Variants in DLEU7 observed in about 807,000 individuals in gnomAD.
DLEU7 encodes deleted in lymphocytic leukemia 7, also known as leukemia-associated protein 7.
A neutral mutation model predicts 16.0 loss-of-function variants in DLEU7; 17 were observed. The observed-to-expected ratio is 1.06, with a 90% confidence interval of 0.73 to 1.59. The LOEUF is 1.59. DLEU7 is among the 40% of genes most tolerant of loss of function. DLEU7 has a pLI of 0.00. For synonymous variants in DLEU7, 113 were observed against 139.8 expected (o/e 0.81, Z 1.35); for missense variants, 308 against 314.9 (o/e 0.98, Z 0.17).
At chr13:50,838,639 G>A (rs533151828) in intron 1 of DLEU7, among the ~76,000 whole-genome samples, 24 of 152,310 alleles carry the variant, frequency 1.6e-4, no homozygotes, top group African/African-American at 5.8e-4. Flanking sequence ...TATATCAGGT[G>A]GCCATGATGG....
chr13:50,806,755 A>T (rs1338654056), intron 1 of DLEU7, among the ~76,000 whole-genome samples: 1 of 152,044 alleles, frequency 6.6e-6, no homozygotes, highest in Non-Finnish European at 1.5e-5. Context: ...TTTACCTAGA[A>T]ATGTATATTT....
intron 1 of DLEU7, among the ~76,000 whole-genome samples, chr13:50,747,220 G>A (rs968350364): frequency 6.6e-5 from 10 of 152,148 alleles, no homozygotes; most frequent in South Asian, 4.1e-4. Flanking sequence ...TGCAGGTTGG[G>A]AAACTATATT....
upstream of DLEU7, chr13:50,843,697 A>C (rs1357044813): frequency 2.0e-6 from 3 of 1,481,960 alleles, no homozygotes; most frequent in East Asian, 8.5e-5. This position sits in a 1 kb window ranked among gnomAD's most constrained non-coding sequence, Gnocchi z 5.7. Context: ...AGCAGCAGCG[A>C]GGGAGGCGGG....
intron 1 of DLEU7, among the ~76,000 whole-genome samples, chr13:50,718,803 C>T (rs1873510587): frequency 6.6e-6 from 1 of 152,182 alleles, no homozygotes; most frequent in Admixed American, 6.5e-5. Context: ...GGTTGGTATA[C>T]AGTTTTCCAT....
chr13:50,826,034 G>A (rs1015122403), intron 1 of DLEU7, among the ~76,000 whole-genome samples: 1 of 110,766 alleles, frequency 9.0e-6, no homozygotes, highest in African/African-American at 3.8e-5. Flanking sequence ...GACAGGCCCC[G>A]ATGTGTGATG....
chr13:50,843,552 T>TC lies in DLEU7; in HGVS notation c.94dup (p.Asp32GlyfsTer64), dbSNP rs867917062. The TC allele has an allele frequency of 2.7e-6, 4 of 1,461,026 alleles. No individual in the cohort carries two copies. Among genetic ancestry groups the TC allele is most frequent in the Admixed American group, 5.8e-5 (2 of 34,652 alleles). The allele number at this position is 1,461,026 out of a possible 1,614,324, so 90.5% of individuals were successfully genotyped here. A position where few individuals can be genotyped will look rare whatever the true frequency, so the allele number is the denominator to read the frequency against. ...CGGGTTCCCGGGGGCGACTGGACCGTCCCCCCAGCCCCACTCCTGCTGCAG... is the reference window on the plus strand; with the variant it reads ...CGGGTTCCCGGGGGCGACTGGACCGTCCCCCCCAGCCCCACTCCTGCTGCAG... On this transcript the variant is annotated frameshift_variant, in exon 1 of 2. Transcript: ENST00000504404. LOFTEE classifies it high-confidence loss of function. This position sits in a 1 kb window ranked among gnomAD's most constrained non-coding sequence, Gnocchi z 5.7.
intron 1 of DLEU7, among the ~76,000 whole-genome samples, chr13:50,720,346 C>G (rs1240864678): frequency 5.3e-5 from 8 of 152,194 alleles, no homozygotes. Flanking sequence ...TTGGTAAGAT[C>G]TTTAAAAATG....
At position 50,825,966 on chromosome 13, in the gene DLEU7, C is replaced by T. The variant is rs547010967; in HGVS notation, c.460-2446G>A. Among the ~76,000 whole-genome samples the T allele has an allele frequency of 3.3e-5, 5 of 151,854 alleles. No individual in the cohort carries two copies. In the South Asian group the frequency reaches 6.3e-4, roughly 19 times the overall value. ...TGTTGGTGTGCTGCACCCATTAACT[C>T]GTCATTTACATTAGGTATATCTCCT... On this transcript the variant is annotated intron_variant, in intron 1 of 1. Transcript: ENST00000504404.
At position 50,727,627 on chromosome 13, in the gene DLEU7, G is replaced by A. The variant is rs538537632; in HGVS notation, c.460-14387C>T. ...TCCCCCTAAGGCCTGGGCTCCCTGT[G>A]ATTCCCAAGGAATCACGTTGGGAAT... On this transcript the variant is annotated intron_variant, in intron 1 of 1. Coordinates refer to the DLEU7 transcript ENST00000400393. Among the ~76,000 whole-genome samples the A allele has an allele frequency of 3.3e-5, 5 of 152,236 alleles. No homozygotes were observed. In the South Asian group the frequency reaches 1.0e-3, roughly 32 times the overall value.
At chr13:50,768,796 A>G (rs1245044034) in intron 1 of DLEU7, among the ~76,000 whole-genome samples, 1 of 152,220 alleles carries the variant, frequency 6.6e-6, no homozygotes, top group Non-Finnish European at 1.5e-5. Context: ...TTGGGTATAT[A>G]CCCAGTAATG....
intron 1 of DLEU7, among the ~76,000 whole-genome samples, chr13:50,799,435 C>T (rs1322715320): frequency 1.3e-5 from 2 of 152,210 alleles, no homozygotes; most frequent in African/African-American, 4.8e-5. Context: ...CTCACCTTCA[C>T]TCCAGCCGGT....
At chr13:50,750,772 G>C (rs1343585308) in intron 1 of DLEU7, among the ~76,000 whole-genome samples, 1 of 152,172 alleles carries the variant, frequency 6.6e-6, no homozygotes, top group Non-Finnish European at 1.5e-5. Flanking sequence ...AAGAGCTACA[G>C]ATTTGTGTAT....
At chr13:50,713,176 T>C (rs753628246) in exon 2 of DLEU7, 6 of 1,604,518 alleles carry the variant, frequency 3.7e-6, no homozygotes, top group African/African-American at 2.7e-5. Flanking sequence ...TATTGAAATA[T>C]GAAGCTCCTG....
intron 1 of DLEU7, among the ~76,000 whole-genome samples, chr13:50,732,086 G>A (rs1447436614): frequency 6.6e-6 from 1 of 152,118 alleles, no homozygotes; most frequent in Non-Finnish European, 1.5e-5. Context: ...TGCCATCACT[G>A]GAAACCCTTT....
intron 1 of DLEU7, among the ~76,000 whole-genome samples, chr13:50,784,603 A>G (rs1875748328): frequency 6.6e-6 from 1 of 152,338 alleles, no homozygotes; most frequent in East Asian, 1.9e-4. Context: ...ATGGGCACAA[A>G]TGGCAACCTG....
intron 1 of DLEU7, among the ~76,000 whole-genome samples, chr13:50,807,364 A>G (rs988962929): frequency 6.6e-6 from 1 of 152,088 alleles, no homozygotes; most frequent in Non-Finnish European, 1.5e-5. Context: ...GTCATCAAAA[A>G]CAAACAAATT....
At chr13:50,749,814 T>C (rs1019943235) in intron 1 of DLEU7, among the ~76,000 whole-genome samples, 5 of 152,220 alleles carry the variant, frequency 3.3e-5, no homozygotes, top group Non-Finnish European at 5.9e-5. Context: ...CTGATTTGAG[T>C]TCGTTGTAGA....
chr13:50,801,864 T>C (rs1321310706), intron 1 of DLEU7, among the ~76,000 whole-genome samples: 1 of 152,126 alleles, frequency 6.6e-6, no homozygotes, highest in Non-Finnish European at 1.5e-5. Context: ...TATTATTACC[T>C]TTTAAATGCC....
intron 1 of DLEU7, among the ~76,000 whole-genome samples, chr13:50,830,523 A>G (rs1039966702): frequency 6.6e-6 from 1 of 152,196 alleles, no homozygotes; most frequent in African/African-American, 2.4e-5. Context: ...CATGTATACA[A>G]TCATAATTTA....
Sources: allele counts gnomAD v4.1 joint callset (sites outside exome capture counted in the v4.1 genomes callset), GRCh38; gene constraint gnomAD v4.1.1; non-coding constraint Gnocchi (gnomAD v3.1); transcripts MANE v1.5; gene names NCBI Gene and HGNC (gene_info 2026-07-23, HGNC 2026-07-21).